The following KCNH7 variants were observed in gnomAD, a reference collection of about 807,000 sequenced individuals.
KCNH7 encodes the protein potassium voltage-gated channel subfamily H member 7.
A neutral mutation model predicts 120.8 loss-of-function variants in KCNH7; 49 were observed. The observed-to-expected ratio is 0.41, with a 90% confidence interval of 0.32 to 0.51. The LOEUF (loss-of-function observed/expected upper bound fraction) is 0.51, where lower values mean the gene tolerates loss of function less well. Among genes scored for constraint, KCNH7 ranks in the 20% least tolerant of loss-of-function variants. The probability of loss-of-function intolerance (pLI) is 0.38; values close to 1 mark genes in which losing one functional copy is unlikely to be tolerated. For missense variants in KCNH7, 1,097 were observed against 1,446.6 expected (o/e 0.76, Z 3.92); for synonymous variants, 547 against 516.1 (o/e 1.06, Z -0.81).
At chr2:162,510,494 T>A (rs956005865) in intron 5 of KCNH7, among the ~76,000 whole-genome samples, 1 of 151,472 alleles carries the variant, frequency 6.6e-6, no homozygotes, top group Non-Finnish European at 1.5e-5. Flanking sequence ...CCTCTGGAGA[T>A]AAATGTACCA....
chr2:162,650,813 T>C lies in KCNH7; in HGVS notation c.308-113733A>G, dbSNP rs557511238. Among the ~76,000 whole-genome samples the C allele has an allele frequency of 2.6e-5, 4 of 152,212 alleles. No individual in the cohort carries two copies. The East Asian group carries it at 7.7e-4, about 29-fold the overall frequency. On this transcript the variant is annotated intron_variant, in intron 2 of 15. Coordinates refer to ENST00000332142, the MANE Select transcript of KCNH7 (RefSeq NM_033272.4). The stretch of plus-strand genomic sequence containing the variant: ...ATTCTCCCATATAATATCTGATACG[T>C]AGGAGGCATTCCACCAATATTCAGT...
chr2:162,471,592 C>T (rs1230726919), intron 6 of KCNH7, among the ~76,000 whole-genome samples: 2 of 152,028 alleles, frequency 1.3e-5, no homozygotes, highest in Non-Finnish European at 2.9e-5. Flanking sequence ...TAAAAGAGGA[C>T]ACAAACAAAT....
chr2:162,393,135 G>A (rs1465585142), intron 12 of KCNH7, among the ~76,000 whole-genome samples: 1 of 151,972 alleles, frequency 6.6e-6, no homozygotes, highest in Non-Finnish European at 1.5e-5. Context: ...GAGGTTGTGA[G>A]AAGGTTGGCT....
At chr2:162,793,800 T>C (rs1684041083) in intron 2 of KCNH7, among the ~76,000 whole-genome samples, 1 of 152,010 alleles carries the variant, frequency 6.6e-6, no homozygotes, top group Non-Finnish European at 1.5e-5. Context: ...GCTCTGGAGA[T>C]CTATTTTTTA....
chr2:162,623,207 C>T (rs1683425331), intron 2 of KCNH7, among the ~76,000 whole-genome samples: 1 of 152,108 alleles, frequency 6.6e-6, no homozygotes, highest in African/African-American at 2.4e-5. Context: ...TATCTTCTTC[C>T]TGTACCTCTG....
chr2:162,592,949 T>A (rs1414734138), intron 2 of KCNH7, among the ~76,000 whole-genome samples: 1 of 152,108 alleles, frequency 6.6e-6, no homozygotes, highest in Non-Finnish European at 1.5e-5. Context: ...ATTTTCTAGG[T>A]TCAGATAGAT....
rs1245103378 is a variant in KCNH7 at position 162,386,799 on chromosome 2, T to C, written c.2711-1860A>G. 4.6e-5 allele frequency among the ~76,000 whole-genome samples: 7 copies of C among 151,738 alleles called. No individual in the cohort carries two copies. In the Admixed American group the frequency reaches 4.6e-4, roughly 10 times the overall value. ...GGTCTTGGGGAATCCTTACACATGGTAGAATGTTCTGTTTTACCTACCATG... is the reference window on the plus strand; with the variant it reads ...GGTCTTGGGGAATCCTTACACATGGCAGAATGTTCTGTTTTACCTACCATG... On this transcript the variant is annotated intron_variant, in intron 12 of 15. Coordinates refer to ENST00000332142, the MANE Select transcript of KCNH7 (RefSeq NM_033272.4).
intron 7 of KCNH7, among the ~76,000 whole-genome samples, chr2:162,442,277 T>G (rs1162309969): frequency 6.6e-6 from 1 of 151,680 alleles, no homozygotes; most frequent in Non-Finnish European, 1.5e-5. Context: ...CCGCCAGTCT[T>G]GGCCTCCCAA....
chr2:162,799,845 A>G (rs1684278608), intron 2 of KCNH7, among the ~76,000 whole-genome samples: 1 of 151,852 alleles, frequency 6.6e-6, no homozygotes, highest in Non-Finnish European at 1.5e-5. Context: ...GGCATCATGA[A>G]TTATACACTT....
intron 6 of KCNH7, among the ~76,000 whole-genome samples, chr2:162,477,563 G>T (rs1025061619): frequency 6.6e-6 from 1 of 152,134 alleles, no homozygotes; most frequent in African/African-American, 2.4e-5. Context: ...AAAAAAGCAG[G>T]TTGTCATTTC....
intron 2 of KCNH7, among the ~76,000 whole-genome samples, chr2:162,836,299 C>T (rs1685661894): frequency 6.6e-6 from 1 of 152,104 alleles, no homozygotes; most frequent in Non-Finnish European, 1.5e-5. Context: ...GCATTTTAAC[C>T]TCAGTGACAT....
At chr2:162,755,238 C>T (rs946446932) in intron 2 of KCNH7, among the ~76,000 whole-genome samples, 1 of 151,986 alleles carries the variant, frequency 6.6e-6, no homozygotes, top group Non-Finnish European at 1.5e-5. Context: ...GAGGCCAAGG[C>T]AGGTGGATTA....
At chr2:162,833,849 G>C (rs764271174) in intron 2 of KCNH7, among the ~76,000 whole-genome samples, 3 of 152,052 alleles carry the variant, frequency 2.0e-5, no homozygotes, top group Non-Finnish European at 4.4e-5. Flanking sequence ...TACTCCTCCA[G>C]TAAGAGCAAA....
At chr2:162,734,022 A>C in intron 2 of KCNH7, among the ~76,000 whole-genome samples, 1 of 152,142 alleles carries the variant, frequency 6.6e-6, no homozygotes, top group East Asian at 1.9e-4. Flanking sequence ...GAGGCTCAGA[A>C]ATTTAAATAA....
At chr2:162,765,003 A>C (rs1432508196) in intron 2 of KCNH7, among the ~76,000 whole-genome samples, 3 of 151,902 alleles carry the variant, frequency 2.0e-5, no homozygotes, top group Middle Eastern at 3.2e-3. Flanking sequence ...AAATATTAAA[A>C]TGTCACAATG....
rs59618789 is a variant in KCNH7 at position 162,720,299 on chromosome 2, TA to T, written c.307+116237del. ...CCTTCACCATCTAGTGATGTGTGATTAAAAAAAAAAAAAAAAAAAAAAAAGA... is the reference window on the plus strand; with the variant it reads ...CCTTCACCATCTAGTGATGTGTGATTAAAAAAAAAAAAAAAAAAAAAAAGA... On this transcript the variant is annotated intron_variant, in intron 2 of 15. Transcript: ENST00000332142. Among the ~76,000 whole-genome samples, 597 of 97,910 alleles carry T rather than the reference TA, an allele frequency of 6.1e-3. 3 individuals carry two copies. The highest frequency in any genetic ancestry group is 0.017 in the East Asian group (62 of 3,736). 64.2% of individuals were successfully genotyped at this position (97,910 alleles called of 152,430 possible). A position where few individuals can be genotyped will look rare whatever the true frequency, so the allele number is the denominator to read the frequency against.
chr2:162,437,126 G>A (rs1286485899), intron 7 of KCNH7, among the ~76,000 whole-genome samples: 3 of 152,098 alleles, frequency 2.0e-5, no homozygotes, highest in Admixed American at 1.3e-4. Context: ...GTCTTTAAAA[G>A]AATGTTCTAA....
chr2:162,474,248 C>T (rs947730383), intron 6 of KCNH7, among the ~76,000 whole-genome samples: 5 of 152,136 alleles, frequency 3.3e-5, no homozygotes, highest in African/African-American at 1.2e-4. Context: ...GGCTTTAGAG[C>T]CTAAGACTTT....
At chr2:162,727,742 G>A (rs547617279) in intron 2 of KCNH7, among the ~76,000 whole-genome samples, 3 of 152,126 alleles carry the variant, frequency 2.0e-5, no homozygotes, top group Admixed American at 2.0e-4. Context: ...ATGAACACTT[G>A]GGCTGTTTCC....
Sources: gnomAD v4.1 joint callset for allele counts (sites outside exome capture counted in the v4.1 genomes callset) on GRCh38, gnomAD v4.1.1 for gene constraint, MANE v1.5 for transcripts, NCBI Gene and HGNC (gene_info 2026-07-23, HGNC 2026-07-21) for gene names.